The following ST8SIA5 variants were observed in gnomAD, a reference collection of about 807,000 sequenced individuals.
ST8SIA5 encodes the protein alpha-2,8-sialyltransferase 8E.
ST8SIA5 carries 24 observed loss-of-function variants against 40.2 expected under a neutral mutation model. That is an observed-to-expected ratio of 0.60 (90% CI 0.43 to 0.84). ST8SIA5 has a LOEUF of 0.84. Ranked by LOEUF, ST8SIA5 falls within the 40% of genes least tolerant of loss-of-function variation. ST8SIA5 has a pLI of 0.00. For synonymous variants in ST8SIA5, 198 were observed against 201.8 expected (o/e 0.98, Z 0.16); for missense variants, 465 against 498.5 (o/e 0.93, Z 0.64).
chr18:46,748,930 TTAACA>T (rs1259394362), intron 1 of ST8SIA5, among the ~76,000 whole-genome samples: 1 of 152,010 alleles, frequency 6.6e-6, no homozygotes, highest in East Asian at 1.9e-4. Flanking sequence ...ACACAAAAAC[TTAACA>T]TAACAGTGAA....
chr18:46,725,972 A>T (rs12959645), intron 1 of ST8SIA5, among the ~76,000 whole-genome samples: 294 of 28,884 alleles, frequency 0.01, 12 homozygotes, highest in Admixed American at 0.017. Context: ...AAAAAAAAAA[A>T]ATATATATAT....
intron 3 of ST8SIA5, among the ~76,000 whole-genome samples, chr18:46,689,772 G>A (rs1295944219): frequency 6.8e-6 from 1 of 147,492 alleles, no homozygotes; most frequent in Non-Finnish European, 1.5e-5. Flanking sequence ...GTAGAGTCAA[G>A]GTTTCTCCAT....
rs1387427553 is a variant in ST8SIA5 at position 46,756,509 on chromosome 18, C to T, written c.-1G>A. The T allele has an allele frequency of 1.2e-6, 2 of 1,612,150 alleles. No individual in the cohort carries two copies. Among genetic ancestry groups the T allele is most frequent in the Admixed American group, 3.3e-5 (2 of 59,948 alleles). On this transcript the variant is annotated 5_prime_UTR_variant, in exon 1 of 7. Transcript: ENST00000315087. The stretch of plus-strand genomic sequence containing the variant: ...TGGCCGAGGGGTCCGCGTAGCGCAT[C>T]CTGGCTACCGGGCGCCGCGGGCGCG...
At chr18:46,742,911 T>C (rs1006072342) in intron 1 of ST8SIA5, among the ~76,000 whole-genome samples, 3 of 152,164 alleles carry the variant, frequency 2.0e-5, no homozygotes, top group Non-Finnish European at 2.9e-5. Flanking sequence ...CCTCCGCTGG[T>C]GATACCCAGG....
intron 2 of ST8SIA5, among the ~76,000 whole-genome samples, chr18:46,702,653 T>A (rs1395099648): frequency 6.6e-6 from 1 of 152,246 alleles, no homozygotes; most frequent in Non-Finnish European, 1.5e-5. Flanking sequence ...CACTTCAGAC[T>A]GGAGCTCCAG....
chr18:46,738,786 CG>C (rs58248435), intron 1 of ST8SIA5, among the ~76,000 whole-genome samples: 1 of 152,054 alleles, frequency 6.6e-6, no homozygotes, highest in African/African-American at 2.4e-5. Context: ...TCCCCTGGGT[CG>C]GGGGAGAGTT....
In ST8SIA5 at chr18:46,726,032, T is replaced by A. The variant is rs547451858; in HGVS notation, c.132-21368A>T. Among the ~76,000 whole-genome samples, 101 of 77,854 alleles carry A rather than the reference T, an allele frequency of 1.3e-3. 3 individuals are homozygous for A. The South Asian group carries it at 0.026, about 20-fold the overall frequency. 51.1% of individuals were successfully genotyped at this position (77,854 alleles called of 152,430 possible). The stretch of plus-strand genomic sequence containing the variant: ...ATATCCTGGATATATATATATATCC[T>A]GGATATATATATATATCCAGGAATG... On this transcript the variant is annotated intron_variant, in intron 1 of 6. Transcript: ENST00000315087.
At chr18:46,695,083 C>T (rs2039544575) in intron 2 of ST8SIA5, among the ~76,000 whole-genome samples, 1 of 150,640 alleles carries the variant, frequency 6.6e-6, no homozygotes, top group East Asian at 2.0e-4. Flanking sequence ...CGCTTGAACC[C>T]AGGAGGTGGA....
At position 46,726,700 on chromosome 18, in the gene ST8SIA5, C is replaced by T. The variant is rs546111808; in HGVS notation, c.132-22036G>A. The stretch of plus-strand genomic sequence containing the variant: ...TTGGGAGGCCAAGGAGGGTGGATCA[C>T]GAGGTCAGGAGTTCAAGACCAACCT... On this transcript the variant is annotated intron_variant, in intron 1 of 6. Transcript: ENST00000315087. Among the ~76,000 whole-genome samples, 7 of 151,390 alleles carry T rather than the reference C, an allele frequency of 4.6e-5. No homozygotes were observed. In the South Asian group the frequency reaches 8.6e-4, roughly 18 times the overall value.
chr18:46,718,875 C>T (rs1047349398), intron 1 of ST8SIA5, among the ~76,000 whole-genome samples: 6 of 152,098 alleles, frequency 3.9e-5, no homozygotes, highest in Admixed American at 6.6e-5. Context: ...CAATGTACGT[C>T]GTGTCCTCGT....
intron 2 of ST8SIA5, among the ~76,000 whole-genome samples, chr18:46,701,948 C>T (rs1333849715): frequency 1.3e-5 from 2 of 152,048 alleles, no homozygotes; most frequent in East Asian, 3.9e-4. Context: ...GAGTTCAAGA[C>T]CAGCCTGATC....
rs1401277299 is a variant in ST8SIA5 at position 46,670,068 on chromosome 18, C to T, written c.*9974G>A. 1 of 134,518 alleles carries T rather than the reference C, an allele frequency of 7.4e-6. No homozygotes were observed. Among genetic ancestry groups the T allele is most frequent in the African/African-American group, 2.7e-5 (1 of 36,858 alleles). 8.3% of individuals were successfully genotyped at this position (134,518 alleles called of 1,614,324 possible). On this transcript the variant is annotated 3_prime_UTR_variant, in exon 7 of 7. Coordinates refer to ENST00000315087, the MANE Select transcript of ST8SIA5 (RefSeq NM_013305.6). ...TGGGTGACAGAGTGAGACTCCATCT[C>T]AAAAAAAAAAAAAGAGTGAGTTTAC...
Position 46,670,827 on chromosome 18 carries a change from A to G in ST8SIA5, c.*9215T>C, listed in dbSNP as rs1417345070. 2 of 152,126 alleles carry G rather than the reference A, an allele frequency of 1.3e-5. No homozygotes were observed. Among genetic ancestry groups the G allele is most frequent in the African/African-American group, 4.8e-5 (2 of 41,420 alleles). The allele number at this position is 152,126 out of a possible 1,614,324, so 9.4% of individuals were successfully genotyped here. On this transcript the variant is annotated 3_prime_UTR_variant, in exon 7 of 7. Transcript: ENST00000315087. The stretch of plus-strand genomic sequence containing the variant: ...TTTTGGTCTTCTTAATGCCATCACA[A>G]TTTAGGCTATTAGCTGCCACTTCTT...
rs150800836 is a variant in ST8SIA5, at chr18:46,701,115, A to G, written c.224+3457T>C. 2.6e-3 allele frequency among the ~76,000 whole-genome samples: 256 copies of G among 99,082 alleles called. 4 individuals are homozygous for G. In the East Asian group the frequency reaches 0.069, roughly 27 times the overall value. 65.0% of individuals were successfully genotyped at this position (99,082 alleles called of 152,430 possible). On this transcript the variant is annotated intron_variant, in intron 2 of 6. Transcript: ENST00000315087. ...CCCCAGGACCATATAATGAAACCGTATTTGGAGATAGGGCCTTTTTTTTTT... is the reference window on the plus strand; with the variant it reads ...CCCCAGGACCATATAATGAAACCGTGTTTGGAGATAGGGCCTTTTTTTTTT...
chr18:46,712,244 T>C (rs2039739821), intron 1 of ST8SIA5, among the ~76,000 whole-genome samples: 1 of 152,206 alleles, frequency 6.6e-6, no homozygotes. Context: ...GTGTGAATGC[T>C]AGCACTGGCC....
intron 2 of ST8SIA5, among the ~76,000 whole-genome samples, chr18:46,693,225 C>G (rs1344114555): frequency 6.6e-6 from 1 of 152,182 alleles, no homozygotes; most frequent in Non-Finnish European, 1.5e-5. Flanking sequence ...GCCCACCCCC[C>G]AGGGCCTGCA....
chr18:46,707,818 A>G (rs184894284), intron 1 of ST8SIA5, among the ~76,000 whole-genome samples: 32 of 152,318 alleles, frequency 2.1e-4, no homozygotes, highest in African/African-American at 6.3e-4. Flanking sequence ...TTTACTATGT[A>G]AGGATACAGC....
rs2039401399 is a variant in ST8SIA5 at position 46,682,004 on chromosome 18, C to A, written c.630G>T (p.Val210=). ...TGATGATGCTGGGGTTCACAGTGAC[C>A]ACATCCGTCTTCACCCCCACATCCA... ...YTMDVGVKTD[V]VTVNPSIITE... is the part of the protein sequence containing the mutation. The change falls in exon 6 of 7, where the codon GTG becomes GTT. Residue 210 remains valine (V), a synonymous_variant. Coordinates refer to ENST00000315087, the MANE Select transcript of ST8SIA5 (RefSeq NM_013305.6). 6.2e-7 allele frequency: 1 copy of A among 1,614,046 alleles called. No individual in the cohort carries two copies. The highest frequency in any genetic ancestry group is 1.1e-5 in the South Asian group (1 of 91,052).
intron 1 of ST8SIA5, among the ~76,000 whole-genome samples, chr18:46,743,236 T>C (rs1160929015): frequency 6.6e-6 from 1 of 152,152 alleles, no homozygotes; most frequent in African/African-American, 2.4e-5. Flanking sequence ...AGAAGAAGGC[T>C]TCAGAAGGTT....
Sources: gnomAD v4.1 joint callset for allele counts (sites outside exome capture counted in the v4.1 genomes callset) on GRCh38, gnomAD v4.1.1 for gene constraint, MANE v1.5 for transcripts, NCBI Gene and HGNC (gene_info 2026-07-23, HGNC 2026-07-21) for gene names.